The following KLF12 variants were observed in gnomAD, a reference collection of about 807,000 sequenced individuals.
KLF12 encodes the protein KLF transcription factor 12.
KLF12 carries 9 observed loss-of-function variants against 37.8 expected under a neutral mutation model. That is an observed-to-expected ratio of 0.24 (90% CI 0.14 to 0.42). The LOEUF is 0.42. Among genes scored for constraint, KLF12 ranks in the 10% least tolerant of loss-of-function variants. KLF12 has a pLI of 1.00. For missense variants in KLF12, 411 were observed against 516.0 expected, an observed-to-expected ratio of 0.80 and a Z score of 1.97; for synonymous variants, 208 against 202.1, an observed-to-expected ratio of 1.03 and a Z score of -0.25.
intron 6 of KLF12, among the ~76,000 whole-genome samples, chr13:73,744,866 T>C (rs1295730106): frequency 2.6e-5 from 4 of 152,312 alleles, no homozygotes; most frequent in South Asian, 2.1e-4. Flanking sequence ...TGGTGGCTAG[T>C]TGAGTTTACC....
At chr13:74,148,403 C>CTTTTTTTTT in the KLF12 span, among the ~76,000 whole-genome samples, 47 of 73,488 alleles carry the variant, frequency 6.4e-4, 1 homozygote, top group East Asian at 1.4e-3. Context: ...CAAAACTGCT[C>CTTTTTTTTT]TTTTTTTTTT....
intron 3 of KLF12, among the ~76,000 whole-genome samples, chr13:73,891,376 G>C (rs1887500002): frequency 6.6e-6 from 1 of 152,026 alleles, no homozygotes; most frequent in African/African-American, 2.4e-5. Context: ...CCCAGATTAA[G>C]AACCATCTCC....
the KLF12 span, among the ~76,000 whole-genome samples, chr13:74,280,880 G>A: frequency 5.5e-5 from 8 of 146,136 alleles, no homozygotes; most frequent in East Asian, 1.6e-3. Flanking sequence ...CAGAAAAAGG[G>A]AGGAAAACAA....
At chr13:74,199,042 A>G in the KLF12 span, among the ~76,000 whole-genome samples, 1 of 152,232 alleles carries the variant, frequency 6.6e-6, no homozygotes, top group Non-Finnish European at 1.5e-5. Context: ...GGATGGAACC[A>G]GCATGAGAAC....
the KLF12 span, among the ~76,000 whole-genome samples, chr13:74,221,987 C>A: frequency 6.6e-6 from 1 of 152,166 alleles, no homozygotes; most frequent in Non-Finnish European, 1.5e-5. Flanking sequence ...GGCTGGTTTC[C>A]TTCCCTTTAC....
chr13:73,784,790 C>T lies in KLF12; in HGVS notation c.807-19790G>A, dbSNP rs560819230. Reference sequence around the variant, plus strand: ...GAATTACAGACACCCCCCACCATGCCCGGCTAGTTTTTTGTTTTTGCATTT... The same window carrying T: ...GAATTACAGACACCCCCCACCATGCTCGGCTAGTTTTTTGTTTTTGCATTT... On this transcript the variant is annotated intron_variant, in intron 5 of 7. Coordinates refer to ENST00000377669, the MANE Select transcript of KLF12 (RefSeq NM_007249.5). Among the ~76,000 whole-genome samples, 352 of 152,108 alleles carry T rather than the reference C, an allele frequency of 2.3e-3. 3 individuals are homozygous for T. Among genetic ancestry groups the T allele is most frequent in the Middle Eastern group, 0.02 (6 of 294 alleles).
intron 3 of KLF12, among the ~76,000 whole-genome samples, chr13:73,926,630 CT>C (rs58514840): frequency 0.7 from 101,326 of 144,718 alleles, 37,518 homozygotes; most frequent in South Asian, 0.84. Context: ...CTCTCTCTCT[CT>C]TTTTTTTTTT....
chr13:74,051,314 T>C (rs561008788), intron 1 of KLF12, among the ~76,000 whole-genome samples: 4 of 143,814 alleles, frequency 2.8e-5, no homozygotes, highest in Non-Finnish European at 6.1e-5. Flanking sequence ...ATAAAGAAAA[T>C]GTGGTGTGTG....
chr13:73,806,512 C>T (rs1420100035), intron 5 of KLF12, among the ~76,000 whole-genome samples: 1 of 151,932 alleles, frequency 6.6e-6, no homozygotes. Flanking sequence ...TACAGGTGTG[C>T]ACCACAGCAC....
intron 1 of KLF12, among the ~76,000 whole-genome samples, chr13:74,042,226 C>T (rs1893422551): frequency 6.6e-6 from 1 of 151,480 alleles, no homozygotes. Flanking sequence ...ATCACTTGGA[C>T]CCAGGAGGTG....
In KLF12 at chr13:73,904,318, A is replaced by G. The variant is rs865788027; in HGVS notation, c.123+39663T>C. On this transcript the variant is annotated intron_variant, in intron 3 of 7. Transcript: ENST00000377669. ...GTATAGGTTGATTCATGTAACAATC[A>G]TTGCCCAAAAATCTTTTAAGTTCTG... 7.9e-4 allele frequency among the ~76,000 whole-genome samples: 121 copies of G among 152,338 alleles called. 1 individual carries two copies. The highest frequency in any genetic ancestry group is 2.8e-3 in the African/African-American group (116 of 41,588).
At chr13:74,284,646 C>T in the KLF12 span, among the ~76,000 whole-genome samples, 6 of 152,134 alleles carry the variant, frequency 3.9e-5, no homozygotes, top group Non-Finnish European at 7.3e-5. Flanking sequence ...TTCATGGCTC[C>T]CTGACAAAAT....
chr13:73,695,742 A>G (rs1451890973), intron 7 of KLF12, 71 bp from the exon 8 acceptor site: 1 of 1,414,428 alleles, frequency 7.1e-7, no homozygotes. Context: ...CCAGTACTCT[A>G]TTTTGGGAAA....
At chr13:73,929,991 CA>C (rs947453054) in intron 3 of KLF12, among the ~76,000 whole-genome samples, 43 of 152,296 alleles carry the variant, frequency 2.8e-4, no homozygotes, top group African/African-American at 9.1e-4. Context: ...CAGGCAATCA[CA>C]AAAGGCCACT....
intron 1 of KLF12, among the ~76,000 whole-genome samples, chr13:73,995,658 T>C (rs1247229763): frequency 6.6e-6 from 1 of 152,156 alleles, no homozygotes; most frequent in African/African-American, 2.4e-5. Flanking sequence ...AAAAATTAAA[T>C]ATAAATTAAA....
At chr13:73,815,556 CAACTATTCAAAGCCAGCCAAGAA>C (rs1287640790) in intron 4 of KLF12, among the ~76,000 whole-genome samples, 1 of 152,146 alleles carries the variant, frequency 6.6e-6, no homozygotes, top group Non-Finnish European at 1.5e-5. Context: ...CAGCCATTCA[CAACTATTCAAAGCCAGCCAAGAA>C]AATGAATATC....
intron 6 of KLF12, among the ~76,000 whole-genome samples, chr13:73,721,988 C>T (rs2137734182): frequency 6.6e-6 from 1 of 152,210 alleles, no homozygotes; most frequent in East Asian, 1.9e-4. Flanking sequence ...CCCTGACATT[C>T]CACTTTATTT....
chr13:74,234,844 G>A, the KLF12 span, among the ~76,000 whole-genome samples: 1 of 152,028 alleles, frequency 6.6e-6, no homozygotes, highest in East Asian at 1.9e-4. Context: ...TTTATGGAAA[G>A]GTCTTTTTCT....
At chr13:74,006,011 A>G (rs929175317) in intron 1 of KLF12, among the ~76,000 whole-genome samples, 4 of 152,174 alleles carry the variant, frequency 2.6e-5, no homozygotes, top group Non-Finnish European at 4.4e-5. Context: ...CTCCTCCAGC[A>G]TAGAAGTCAT....
Sources: allele counts gnomAD v4.1 joint callset (sites outside exome capture counted in the v4.1 genomes callset), GRCh38; gene constraint gnomAD v4.1.1; transcripts MANE v1.5; gene names NCBI Gene and HGNC (gene_info 2026-07-23, HGNC 2026-07-21).